The following GRM1 variants were observed in gnomAD, a reference collection of about 807,000 sequenced individuals.
GRM1 encodes glutamate metabotropic receptor 1, also known as metabotropic glutamate receptor 1.
A neutral mutation model predicts 90.9 loss-of-function variants in GRM1; 33 were observed. That is an observed-to-expected ratio of 0.36 (90% CI 0.28 to 0.49). The LOEUF (loss-of-function observed/expected upper bound fraction) is 0.49. GRM1 is among the 20% of genes least tolerant of loss of function. GRM1 has a pLI of 0.99. For missense variants in GRM1, 1,190 were observed against 1,534.3 expected, an observed-to-expected ratio of 0.78 and a Z score of 3.75; for synonymous variants, 700 against 613.2, an observed-to-expected ratio of 1.14 and a Z score of -2.09.
intron 1 of GRM1, among the ~76,000 whole-genome samples, chr6:146,068,046 C>T (rs1204041961): frequency 6.6e-6 from 1 of 152,022 alleles, no homozygotes; most frequent in Non-Finnish European, 1.5e-5. Context: ...CAAAACAACT[C>T]TGATATTTGG....
At chr6:146,163,509 A>G (rs1445274298) in intron 2 of GRM1, among the ~76,000 whole-genome samples, 2 of 152,212 alleles carry the variant, frequency 1.3e-5, no homozygotes, top group Non-Finnish European at 2.9e-5. Context: ...TGTACGGAGT[A>G]CAGTAACTTG....
intron 1 of GRM1, among the ~76,000 whole-genome samples, chr6:146,118,296 C>T (rs1424269993): frequency 9.2e-5 from 14 of 151,748 alleles, no homozygotes; most frequent in Non-Finnish European, 1.6e-4. Flanking sequence ...CCCACCACGA[C>T]GCCCAGCTAA....
At chr6:146,413,796 G>A (rs1418630751) in intron 7 of GRM1, among the ~76,000 whole-genome samples, 1 of 152,020 alleles carries the variant, frequency 6.6e-6, no homozygotes, top group Non-Finnish European at 1.5e-5. Context: ...GCCTGTTCTT[G>A]AACTTAATAA....
intron 2 of GRM1, among the ~76,000 whole-genome samples, chr6:146,201,253 T>C (rs1779288278): frequency 6.6e-6 from 1 of 152,222 alleles, no homozygotes; most frequent in Non-Finnish European, 1.5e-5. Context: ...CTGCTTTTCT[T>C]TGGTCAAGAG....
At chr6:146,315,175 C>T (rs1370656912) in intron 3 of GRM1, among the ~76,000 whole-genome samples, 2 of 152,056 alleles carry the variant, frequency 1.3e-5, no homozygotes, top group Admixed American at 1.3e-4. Context: ...TACTGCAAGA[C>T]CCTGTCTCTC....
At chr6:146,227,805 T>G (rs980264241) in intron 2 of GRM1, among the ~76,000 whole-genome samples, 4 of 152,152 alleles carry the variant, frequency 2.6e-5, no homozygotes, top group African/African-American at 9.7e-5. Context: ...CAATTAAATA[T>G]CCATTGCATC....
intron 5 of GRM1, among the ~76,000 whole-genome samples, chr6:146,358,781 G>A (rs753975360): frequency 2.5e-4 from 38 of 152,284 alleles, no homozygotes; most frequent in Non-Finnish European, 4.1e-4. Context: ...ACCAGCTTTT[G>A]GCAGCTGAGA....
intron 3 of GRM1, among the ~76,000 whole-genome samples, chr6:146,348,842 C>T (rs377531398): frequency 2.0e-5 from 3 of 152,152 alleles, no homozygotes; most frequent in African/African-American, 7.2e-5. Flanking sequence ...AAAAGCTTCT[C>T]CTCTGTAGAT....
At chr6:146,262,084 C>CAAAA (rs11392952) in intron 2 of GRM1, among the ~76,000 whole-genome samples, 15 of 101,410 alleles carry the variant, frequency 1.5e-4, no homozygotes, top group Admixed American at 3.8e-4. Context: ...GAAAACAAAA[C>CAAAA]AAAAAAAAAA....
At chr6:146,205,784 T>C (rs1054729962) in intron 2 of GRM1, among the ~76,000 whole-genome samples, 3 of 152,214 alleles carry the variant, frequency 2.0e-5, no homozygotes, top group Non-Finnish European at 4.4e-5. Flanking sequence ...GAGAGCACTT[T>C]GCATTGTAAG....
intron 1 of GRM1, among the ~76,000 whole-genome samples, chr6:146,144,617 A>G (rs916547993): frequency 4.6e-5 from 7 of 152,236 alleles, no homozygotes; most frequent in Non-Finnish European, 1.0e-4. Flanking sequence ...GCAATAAAAA[A>G]CAGACTACAA....
intron 2 of GRM1, among the ~76,000 whole-genome samples, chr6:146,288,626 C>A (rs1782853590): frequency 6.6e-6 from 1 of 151,550 alleles, no homozygotes; most frequent in Non-Finnish European, 1.5e-5. Context: ...CTGCCTCAGC[C>A]TCCTGAGTAG....
At chr6:146,332,279 G>C (rs1250337546) in intron 3 of GRM1, among the ~76,000 whole-genome samples, 1 of 152,164 alleles carries the variant, frequency 6.6e-6, no homozygotes, top group East Asian at 1.9e-4. Flanking sequence ...TCTCAGTAGA[G>C]CATGGCTCCA....
chr6:146,237,208 G>A (rs1411686352), intron 2 of GRM1, among the ~76,000 whole-genome samples: 1 of 151,860 alleles, frequency 6.6e-6, no homozygotes, highest in African/African-American at 2.4e-5. Context: ...AACTTAAAGG[G>A]GAAAGTTACA....
chr6:146,124,315 G>A (rs373891091), intron 1 of GRM1, among the ~76,000 whole-genome samples: 4 of 152,198 alleles, frequency 2.6e-5, no homozygotes, highest in African/African-American at 9.6e-5. Flanking sequence ...TTTCAATCAG[G>A]ACTAGTTCTA....
intron 2 of GRM1, among the ~76,000 whole-genome samples, chr6:146,170,139 G>C (rs1434160909): frequency 2.0e-5 from 3 of 151,810 alleles, no homozygotes; most frequent in Non-Finnish European, 4.4e-5. Flanking sequence ...GATTACTTCT[G>C]TATATTACTG....
intron 1 of GRM1, among the ~76,000 whole-genome samples, chr6:146,037,989 T>C (rs1033403241): frequency 3.9e-5 from 6 of 152,032 alleles, no homozygotes; most frequent in African/African-American, 1.4e-4. Flanking sequence ...ATATTTGTGC[T>C]TGTTATCATC....
Position 146,094,346 on chromosome 6 carries a change from G to A in GRM1, c.700+64129G>A, listed in dbSNP as rs555193546. On this transcript the variant is annotated intron_variant, in intron 1 of 7. Coordinates refer to ENST00000282753, the MANE Select transcript of GRM1 (RefSeq NM_001278064.2). The stretch of plus-strand genomic sequence containing the variant: ...AGGTTATAAGCAACCAGTAGTCCTG[G>A]TCAGGGGCATAGCTTTTCCTGGTCA... Among the ~76,000 whole-genome samples the A allele has an allele frequency of 3.3e-5, 5 of 152,132 alleles. No individual in the cohort carries two copies. In the South Asian group the frequency reaches 1.0e-3, roughly 32 times the overall value.
At chr6:146,247,054 C>G (rs1241724547) in intron 2 of GRM1, among the ~76,000 whole-genome samples, 1 of 152,168 alleles carries the variant, frequency 6.6e-6, no homozygotes, top group Non-Finnish European at 1.5e-5. Context: ...ATAGGATGTT[C>G]TCACATTCCT....
Sources: gnomAD v4.1 joint callset for allele counts (sites outside exome capture counted in the v4.1 genomes callset) on GRCh38, gnomAD v4.1.1 for gene constraint, MANE v1.5 for transcripts, NCBI Gene and HGNC (gene_info 2026-07-23, HGNC 2026-07-21) for gene names.